The following C6 variants were observed in gnomAD, a reference collection of about 807,000 sequenced individuals.
The protein encoded by C6 is complement component C6.
In C6, 101 loss-of-function variants were observed where a neutral mutation model predicts 112.9. The ratio of observed to expected loss-of-function variants is 0.89; its 90% CI spans 0.76 to 1.06. The LOEUF (loss-of-function observed/expected upper bound fraction) is 1.06, where lower values mean the gene tolerates loss of function less well. Ranked by LOEUF, C6 falls within the 50% of genes least tolerant of loss-of-function variation. C6 has a pLI of 0.00. For missense variants in C6, 1,202 were observed against 1,104.6 expected (o/e 1.09, Z -1.25); for synonymous variants, 431 against 384.1 (o/e 1.12, Z -1.43).
In C6 at chr5:41,158,671, G is replaced by T; in HGVS notation, c.1968+3C>A. The T allele has an allele frequency of 6.4e-7, 1 of 1,565,078 alleles. No homozygotes were observed. The highest frequency in any genetic ancestry group is 1.4e-5 in the African/African-American group (1 of 74,054). ...AACCAAAAGTGAGGTTTAGGATGCT[G>T]ACCCGGATAAATCCATTTTCTGGAG... On this transcript the variant is annotated splice_donor_region_variant and intron_variant, in intron 13 of 17. Transcript: ENST00000337836.
chr5:41,215,418 T>G (rs144718068), upstream of C6, among the ~76,000 whole-genome samples: 4 of 152,248 alleles, frequency 2.6e-5, no homozygotes, highest in East Asian at 7.7e-4. Context: ...ATTGAATACT[T>G]GTGTGCAGTT....
chr5:41,166,255 A>C (rs114605978), intron 9 of C6, among the ~76,000 whole-genome samples: 3,572 of 152,252 alleles, frequency 0.023, 63 homozygotes, highest in Admixed American at 0.057. Context: ...AGTAAGGCAT[A>C]CAAGCCCTGT....
At chr5:41,143,049 A>G (rs377257331) in intron 17 of C6, 43 bp from the exon 18 acceptor site, 34 of 1,578,902 alleles carry the variant, frequency 2.2e-5, no homozygotes, top group Non-Finnish European at 2.5e-5. Flanking sequence ...ACCACAGTAC[A>G]TTAGGGTTTG....
chr5:41,211,616 G>A (rs934823579), intron 1 of C6, among the ~76,000 whole-genome samples: 3 of 151,966 alleles, frequency 2.0e-5, no homozygotes, highest in East Asian at 1.9e-4. Flanking sequence ...CCACTAGATA[G>A]ACTAGAGAAG....
intron 1 of C6, among the ~76,000 whole-genome samples, chr5:41,242,382 C>G (rs1740772783): frequency 6.6e-6 from 1 of 152,214 alleles, no homozygotes; most frequent in African/African-American, 2.4e-5. Context: ...CCTTTGCCTT[C>G]TGCCATGATT....
chr5:41,182,248 G>A (rs997565199), intron 6 of C6, among the ~76,000 whole-genome samples: 2 of 149,904 alleles, frequency 1.3e-5, no homozygotes, highest in Admixed American at 6.6e-5. Context: ...TGGGCAATAT[G>A]TCACTTCCCC....
At chr5:41,161,973 A>G in intron 9 of C6, 114 bp from the exon 10 acceptor site, 1 of 966,822 alleles carries the variant, frequency 1.0e-6, no homozygotes, top group South Asian at 1.4e-5. Context: ...TACAGTATGT[A>G]GCTCCATTAA....
chr5:41,248,048 T>A (rs113386687), intron 1 of C6, among the ~76,000 whole-genome samples: 3 of 152,182 alleles, frequency 2.0e-5, no homozygotes, highest in African/African-American at 7.2e-5. Flanking sequence ...TCTTCAACAA[T>A]GTTGACAAAA....
At chr5:41,195,667 G>A (rs774995050) in intron 5 of C6, 125 bp downstream of exon 5, 21 of 1,002,112 alleles carry the variant, frequency 2.1e-5, no homozygotes, top group Non-Finnish European at 3.0e-5. Context: ...AAGTATCAGA[G>A]ATAGGGCTGG....
At chr5:41,179,448 A>G (rs1405843628) in intron 7 of C6, among the ~76,000 whole-genome samples, 3 of 152,042 alleles carry the variant, frequency 2.0e-5, no homozygotes, top group African/African-American at 4.8e-5. Flanking sequence ...CCAATCCTGC[A>G]TGCTATATTA....
intron 1 of C6, among the ~76,000 whole-genome samples, chr5:41,203,931 G>A (rs1561166948): frequency 6.6e-6 from 1 of 152,108 alleles, no homozygotes; most frequent in Non-Finnish European, 1.5e-5. Context: ...ACAATCCTAA[G>A]TACTGTGTTA....
intron 10 of C6, among the ~76,000 whole-genome samples, chr5:41,160,868 G>A (rs1032360707): frequency 6.6e-6 from 1 of 152,110 alleles, no homozygotes; most frequent in African/African-American, 2.4e-5. Context: ...TTGCCAGTAG[G>A]ATGAATGGAA....
intron 17 of C6, among the ~76,000 whole-genome samples, chr5:41,145,063 A>G (rs761594649): frequency 1.4e-4 from 21 of 152,180 alleles, no homozygotes; most frequent in Non-Finnish European, 2.6e-4. Flanking sequence ...ATGTATCTCT[A>G]TGATAGAATG....
At chr5:41,224,966 T>C (rs904608675) in intron 1 of C6, among the ~76,000 whole-genome samples, 2 of 152,186 alleles carry the variant, frequency 1.3e-5, no homozygotes, top group Non-Finnish European at 2.9e-5. Flanking sequence ...TACAGGAAAT[T>C]TGCGTATCCT....
In C6 at chr5:41,198,060, C is replaced by T. The variant is rs562099905; in HGVS notation, c.445+1708G>A. On this transcript the variant is annotated intron_variant, in intron 4 of 17. Transcript: ENST00000337836. ...GCTGCAAATTCTCTAGTCTTTTATG[C>T]TTAAAATTAGGACTCTGAAAGAAGA... Among the ~76,000 whole-genome samples, 14 of 152,154 alleles carry T rather than the reference C, an allele frequency of 9.2e-5. No homozygotes were observed. In the South Asian group the frequency reaches 2.9e-3, roughly 32 times the overall value.
chr5:41,247,366 A>G (rs1260427213), intron 1 of C6, among the ~76,000 whole-genome samples: 2 of 152,200 alleles, frequency 1.3e-5, no homozygotes, highest in Admixed American at 6.5e-5. Context: ...ACAAAAATAA[A>G]TAACATTACT....
At chr5:41,204,881 G>A (rs545773963) in intron 1 of C6, among the ~76,000 whole-genome samples, 3 of 152,022 alleles carry the variant, frequency 2.0e-5, no homozygotes, top group African/African-American at 7.2e-5. Flanking sequence ...GCGTTAGCCA[G>A]GGTGGTCTCG....
intron 1 of C6, among the ~76,000 whole-genome samples, chr5:41,205,635 T>C (rs1751376624): frequency 6.6e-6 from 1 of 152,124 alleles, no homozygotes; most frequent in Admixed American, 6.5e-5. Context: ...AGCACAGCAG[T>C]CTGAGATCAA....
rs547135431 is a variant in C6 at position 41,236,956 on chromosome 5, C to A, written c.-21+24238G>T. ...AGAGAATACTACAAACACCTCTATG[C>A]AAATAAACTAGAAAATCTAGAAGAA... On this transcript the variant is annotated intron_variant, in intron 1 of 17. Coordinates refer to the C6 transcript ENST00000263413. Among the ~76,000 whole-genome samples the A allele has an allele frequency of 5.9e-5, 9 of 151,780 alleles. No individual in the cohort carries two copies. The East Asian group carries it at 1.4e-3, about 23-fold the overall frequency.
Sources: gnomAD v4.1 joint callset for allele counts (sites outside exome capture counted in the v4.1 genomes callset) on GRCh38, gnomAD v4.1.1 for gene constraint, MANE v1.5 for transcripts, NCBI Gene and HGNC (gene_info 2026-07-23, HGNC 2026-07-21) for gene names.